The following SH3RF1 variants were observed in gnomAD, a reference collection of about 807,000 sequenced individuals.
The protein encoded by SH3RF1 is SH3 domain containing ring finger 1, also known as E3 ubiquitin-protein ligase SH3RF1.
Under a neutral mutation model 74.0 loss-of-function variants are expected in SH3RF1, and 32 were observed. That is an observed-to-expected ratio of 0.43 (90% confidence interval 0.33 to 0.58). The LOEUF (loss-of-function observed/expected upper bound fraction) is 0.58, where lower values mean the gene tolerates loss of function less well. Ranked by LOEUF, SH3RF1 falls within the 20% of genes least tolerant of loss-of-function variation. The pLI is 0.05. For missense variants in SH3RF1, 954 were observed against 1,130.9 expected (o/e 0.84, Z 2.24); for synonymous variants, 396 against 439.6 (o/e 0.90, Z 1.24).
intron 2 of SH3RF1, among the ~76,000 whole-genome samples, chr4:169,189,022 TC>T (rs1401626247): frequency 6.6e-6 from 1 of 152,170 alleles, no homozygotes; most frequent in Non-Finnish European, 1.5e-5. Context: ...AATGAAAACT[TC>T]CAGGGATACA....
intron 10 of SH3RF1, among the ~76,000 whole-genome samples, chr4:169,114,206 G>A (rs2126941805): frequency 6.6e-6 from 1 of 152,278 alleles, no homozygotes; most frequent in Middle Eastern, 3.4e-3. Flanking sequence ...CCTTCTGGAG[G>A]CCACTGGGGA....
At chr4:169,173,199 A>G (rs973421314) in intron 2 of SH3RF1, among the ~76,000 whole-genome samples, 27 of 152,206 alleles carry the variant, frequency 1.8e-4, no homozygotes, top group Admixed American at 6.5e-5. Context: ...CTTTTAAAAG[A>G]AAAGAAGCAA....
At chr4:169,237,597 T>A (rs1461721655) in intron 2 of SH3RF1, among the ~76,000 whole-genome samples, 1 of 152,172 alleles carries the variant, frequency 6.6e-6, no homozygotes, top group Non-Finnish European at 1.5e-5. Context: ...GAATTATATC[T>A]CCAGCTGAAT....
rs538818760 is a variant in SH3RF1, at chr4:169,246,602, C to T, written c.393+22218G>A. 2.6e-3 allele frequency among the ~76,000 whole-genome samples: 399 copies of T among 152,338 alleles called. 4 individuals are homozygous for T. The highest frequency in any genetic ancestry group is 3.2e-3 in the Non-Finnish European group (217 of 68,030). On this transcript the variant is annotated intron_variant, in intron 2 of 11. Coordinates refer to ENST00000284637, the MANE Select transcript of SH3RF1 (RefSeq NM_020870.4). ...TTTTAAACATAATTAGACTAATTGC[C>T]TCCCAATCTTAGCTGATGCATCTGC...
rs1478371901 is a variant in SH3RF1, at chr4:169,117,754, C to A, written c.1546G>T (p.Val516Phe). Residue 516 changes from valine (V) to phenylalanine (F), a missense_variant, in exon 9 of 12, where the codon GTC (valine) becomes TTC (phenylalanine). Val to Phe is a conservative substitution (Grantham distance 50). Around this residue, in one of 3 missense-constraint regions of SH3RF1, gnomAD observed 854 missense variants for 962.5 expected, o/e 0.89. Coordinates refer to ENST00000284637, the MANE Select transcript of SH3RF1 (RefSeq NM_020870.4). ...RAVTNASQAK[V>F]PMSTAGQTSR... Reference sequence around the variant, plus strand: ...GTCTGGCCAGCTGTAGACATAGGGACTTTAGCTTGGGAAGCATTTGTCACC... The same window carrying A: ...GTCTGGCCAGCTGTAGACATAGGGAATTTAGCTTGGGAAGCATTTGTCACC... 1.2e-6 allele frequency: 2 copies of A among 1,611,598 alleles called. No individual in the cohort carries two copies. Among genetic ancestry groups the A allele is most frequent in the African/African-American group, 1.3e-5 (1 of 74,870 alleles).
intron 2 of SH3RF1, among the ~76,000 whole-genome samples, chr4:169,256,427 C>T (rs973690715): frequency 1.3e-5 from 2 of 152,110 alleles, no homozygotes; most frequent in African/African-American, 4.8e-5. Context: ...ACACTATAGT[C>T]GTAAAACCAG....
intron 2 of SH3RF1, chr4:169,203,938 T>C (rs1284805041): frequency 7.2e-5 from 11 of 152,312 alleles, no homozygotes; most frequent in African/African-American, 2.2e-4. Flanking sequence ...CAATTACTTT[T>C]TACAAAACGG....
At chr4:169,250,512 T>A (rs1731085617) in intron 2 of SH3RF1, among the ~76,000 whole-genome samples, 1 of 152,234 alleles carries the variant, frequency 6.6e-6, no homozygotes, top group Non-Finnish European at 1.5e-5. Context: ...ACATGAGGTG[T>A]GCTCAGTAAC....
Position 169,155,550 on chromosome 4 carries a change from C to T in SH3RF1, c.695G>A (p.Arg232Lys). The T allele has an allele frequency of 1.2e-6, 2 of 1,613,602 alleles. No homozygotes were observed. The highest frequency in any genetic ancestry group is 1.7e-6 in the Non-Finnish European group (2 of 1,179,578). Residue 232 changes from arginine (R) to lysine (K), a missense_variant, in exon 4 of 12, where the codon AGA becomes AAA. Physicochemically the swap from Arg to Lys is conservative, Grantham distance 26. Coordinates refer to ENST00000284637, the MANE Select transcript of SH3RF1 (RefSeq NM_020870.4). ...AKDDVLTVIR[R>K]VDENWAEGML... ...TCCTTCAGCCCAGTTTTCATCCACT[C>T]TTCGGATCACAGTCAGAACATCATC...
intron 2 of SH3RF1, among the ~76,000 whole-genome samples, chr4:169,171,193 C>T (rs1001516178): frequency 6.6e-6 from 1 of 152,136 alleles, no homozygotes; most frequent in Non-Finnish European, 1.5e-5. Flanking sequence ...CACGGTGTAA[C>T]CAATCAGGTT....
chr4:169,158,169 C>T (rs1009741275), intron 2 of SH3RF1, among the ~76,000 whole-genome samples: 2 of 152,166 alleles, frequency 1.3e-5, no homozygotes, highest in African/African-American at 4.8e-5. Context: ...AAGATATGCA[C>T]ACCATTTATG....
intron 2 of SH3RF1, among the ~76,000 whole-genome samples, chr4:169,232,050 A>G (rs568238577): frequency 6.6e-6 from 1 of 152,354 alleles, no homozygotes; most frequent in East Asian, 1.9e-4. Context: ...GGTTAGGTAG[A>G]CAGGTACTGC....
intron 2 of SH3RF1, among the ~76,000 whole-genome samples, chr4:169,204,742 G>A (rs558229818): frequency 8.6e-5 from 13 of 151,962 alleles, no homozygotes; most frequent in African/African-American, 2.7e-4. Context: ...GTAGAGACGG[G>A]GTTTCACCAC....
chr4:169,266,874 G>C (rs941851413), intron 2 of SH3RF1, among the ~76,000 whole-genome samples: 1 of 152,188 alleles, frequency 6.6e-6, no homozygotes, highest in Admixed American at 6.5e-5. Flanking sequence ...GAATAGGTTT[G>C]TTTTTGTCCT....
At chr4:169,127,086 C>A (rs943393234) in intron 6 of SH3RF1, among the ~76,000 whole-genome samples, 55 of 152,160 alleles carry the variant, frequency 3.6e-4, no homozygotes, top group Admixed American at 1.2e-3. Context: ...GATCTTCAAC[C>A]TCCTCCCCTA....
At chr4:169,222,037 G>A (rs1424633831) in intron 2 of SH3RF1, among the ~76,000 whole-genome samples, 3 of 152,174 alleles carry the variant, frequency 2.0e-5, no homozygotes, top group African/African-American at 7.2e-5. Context: ...AAGTGTAGGT[G>A]TCTACTATGT....
At chr4:169,197,532 G>A (rs922481935) in intron 2 of SH3RF1, among the ~76,000 whole-genome samples, 15 of 150,078 alleles carry the variant, frequency 1.0e-4, no homozygotes, top group Admixed American at 4.0e-4. Flanking sequence ...GCTGAGGCAG[G>A]AGAATCGCTT....
At chr4:169,190,690 G>A (rs185988271) in intron 2 of SH3RF1, among the ~76,000 whole-genome samples, 1 of 152,010 alleles carries the variant, frequency 6.6e-6, no homozygotes, top group East Asian at 1.9e-4. Context: ...CCGCAAGACA[G>A]AGAAAGAGGG....
At chr4:169,174,364 A>AG (rs1384110007) in intron 2 of SH3RF1, among the ~76,000 whole-genome samples, 4 of 152,190 alleles carry the variant, frequency 2.6e-5, no homozygotes, top group African/African-American at 7.2e-5. Context: ...TGCCAGGCCA[A>AG]AACTGGTGCT....
Sources: allele counts gnomAD v4.1 joint callset (sites outside exome capture counted in the v4.1 genomes callset), GRCh38; gene constraint gnomAD v4.1.1; regional missense constraint gnomAD v4.1.1; transcripts MANE v1.5; gene names NCBI Gene and HGNC (gene_info 2026-07-23, HGNC 2026-07-21).